RBFOX1: variants seen among roughly 807,000 people sequenced by gnomAD.
The protein encoded by RBFOX1 is RNA binding fox-1 homolog 1.
In RBFOX1, 8 loss-of-function variants were observed where a neutral mutation model predicts 57.7. The observed-to-expected ratio is 0.14, with a 90% CI of 0.08 to 0.25. The LOEUF (loss-of-function observed/expected upper bound fraction) is 0.25. Among genes scored for constraint, RBFOX1 ranks in the 10% least tolerant of loss-of-function variants. The pLI is 1.00. For synonymous variants in RBFOX1, 326 were observed against 222.4 expected, an observed-to-expected ratio of 1.47 and a Z score of -4.15; for missense variants, 611 against 548.5, an observed-to-expected ratio of 1.11 and a Z score of -1.14.
intron 3 of RBFOX1, among the ~76,000 whole-genome samples, chr16:7,024,479 C>T (rs538284769): frequency 1.3e-5 from 2 of 152,158 alleles, no homozygotes; most frequent in East Asian, 1.9e-4. Context: ...CTCTCTCATG[C>T]ACTTCTTAAT....
At chr16:5,605,811 G>A (rs935866114) in intron 3 of RBFOX1, among the ~76,000 whole-genome samples, 6 of 152,014 alleles carry the variant, frequency 3.9e-5, no homozygotes, top group Admixed American at 3.9e-4. Context: ...TGGTATAGGC[G>A]AGAAGAATGG....
At chr16:6,949,211 A>C (rs2080190531) in intron 3 of RBFOX1, among the ~76,000 whole-genome samples, 2 of 152,196 alleles carry the variant, frequency 1.3e-5, no homozygotes, top group African/African-American at 4.8e-5. Context: ...GCTAAATTCC[A>C]GGATATAGAA....
intron 3 of RBFOX1, among the ~76,000 whole-genome samples, chr16:6,935,797 C>A (rs1246247843): frequency 2.0e-5 from 3 of 152,166 alleles, no homozygotes; most frequent in Non-Finnish European, 2.9e-5. Flanking sequence ...AAGCACAGAG[C>A]ATGCATGTCT....
chr16:7,290,752 G>A (rs1421455551), intron 4 of RBFOX1, among the ~76,000 whole-genome samples: 1 of 152,196 alleles, frequency 6.6e-6, no homozygotes, highest in East Asian at 1.9e-4. Flanking sequence ...CAGGATGGGG[G>A]CGTGGAAGAT....
intron 4 of RBFOX1, among the ~76,000 whole-genome samples, chr16:7,228,590 G>C (rs145717461): frequency 6.6e-6 from 1 of 152,230 alleles, no homozygotes; most frequent in African/African-American, 2.4e-5. Context: ...CCACACAGCC[G>C]TAAGGGAGTA....
chr16:7,696,659 A>T (rs898476077), intron 14 of RBFOX1, among the ~76,000 whole-genome samples: 1 of 152,154 alleles, frequency 6.6e-6, no homozygotes, highest in African/African-American at 2.4e-5. Context: ...CCTTCATGGT[A>T]TGGGAGAACA....
intron 4 of RBFOX1, among the ~76,000 whole-genome samples, chr16:7,389,875 A>C (rs1002080197): frequency 6.6e-6 from 1 of 152,170 alleles, no homozygotes; most frequent in Non-Finnish European, 1.5e-5. Flanking sequence ...CTGTTTTCCA[A>C]ATAAGAAGAT....
chr16:5,683,971 G>T (rs910846080), intron 3 of RBFOX1, among the ~76,000 whole-genome samples: 5 of 151,872 alleles, frequency 3.3e-5, no homozygotes, highest in South Asian at 4.1e-4. Context: ...ATTCTCTGAT[G>T]GTCAAGTGGC....
intron 4 of RBFOX1, among the ~76,000 whole-genome samples, chr16:5,952,799 G>C (rs1014291557): frequency 6.6e-6 from 1 of 152,146 alleles, no homozygotes; most frequent in Non-Finnish European, 1.5e-5. Context: ...AGTTTCTCCA[G>C]GACAAGGCCT....
chr16:7,698,819 C>G (rs574406840), intron 14 of RBFOX1, among the ~76,000 whole-genome samples: 1 of 152,120 alleles, frequency 6.6e-6, no homozygotes, highest in Non-Finnish European at 1.5e-5. Context: ...TTATTGAGAA[C>G]CTTCTGTATA....
intron 1 of RBFOX1, among the ~76,000 whole-genome samples, chr16:5,436,012 A>G (rs1057343504): frequency 3.3e-5 from 5 of 152,214 alleles, no homozygotes; most frequent in African/African-American, 1.2e-4. Context: ...CTCATAGGGA[A>G]GGATTTTAAA....
intron 3 of RBFOX1, among the ~76,000 whole-genome samples, chr16:5,864,499 C>T (rs899605630): frequency 3.4e-5 from 5 of 148,446 alleles, no homozygotes; most frequent in Non-Finnish European, 7.4e-5. Flanking sequence ...ACATATGCAT[C>T]TATTGTGTGT....
chr16:6,176,549 T>C (rs1164867021), intron 1 of RBFOX1, among the ~76,000 whole-genome samples: 2 of 152,092 alleles, frequency 1.3e-5, no homozygotes, highest in Non-Finnish European at 2.9e-5. Context: ...TCAAAGAGTC[T>C]TGATGGAGAT....
chr16:6,986,734 G>A (rs941660415), intron 3 of RBFOX1, among the ~76,000 whole-genome samples: 2 of 150,368 alleles, frequency 1.3e-5, no homozygotes, highest in Non-Finnish European at 3.0e-5. Flanking sequence ...GTATCTTTTC[G>A]TGACAAGAAA....
intron 3 of RBFOX1, among the ~76,000 whole-genome samples, chr16:6,795,013 G>A (rs1171999570): frequency 6.6e-6 from 1 of 152,100 alleles, no homozygotes; most frequent in Non-Finnish European, 1.5e-5. Context: ...CTGACAGTCA[G>A]CTTAATTCTC....
chr16:5,984,686 C>T (rs1213117910), intron 4 of RBFOX1, among the ~76,000 whole-genome samples: 1 of 151,968 alleles, frequency 6.6e-6, no homozygotes, highest in African/African-American at 2.4e-5. Flanking sequence ...AGAAGTGCAT[C>T]GTTAGGGAAT....
intron 1 of RBFOX1, among the ~76,000 whole-genome samples, chr16:5,373,882 G>T (rs1335342905): frequency 1.3e-5 from 2 of 152,008 alleles, no homozygotes; most frequent in African/African-American, 4.8e-5. Flanking sequence ...GGGATTACAG[G>T]CATGAGCCAC....
intron 2 of RBFOX1, among the ~76,000 whole-genome samples, chr16:6,490,794 A>G (rs56367859): frequency 0.32 from 48,776 of 152,096 alleles, 8,649 homozygotes; most frequent in Non-Finnish European, 0.4. Context: ...ACTGTTCTTT[A>G]TATTTCAGGC....
At chr16:7,444,555 C>T (rs1028188469) in intron 4 of RBFOX1, among the ~76,000 whole-genome samples, 1 of 151,742 alleles carries the variant, frequency 6.6e-6, no homozygotes, top group Non-Finnish European at 1.5e-5. Context: ...TTTTTTGAGA[C>T]AGGGTTTTGC....
Sources: gnomAD v4.1 joint callset for allele counts (sites outside exome capture counted in the v4.1 genomes callset) on GRCh38, gnomAD v4.1.1 for gene constraint, MANE v1.5 for transcripts, NCBI Gene and HGNC (gene_info 2026-07-23, HGNC 2026-07-21) for gene names.